Variants in SPATA6L observed in about 807,000 individuals in gnomAD.
SPATA6L encodes the protein spermatogenesis associated 6 like.
SPATA6L carries 68 observed loss-of-function variants against 49.2 expected under a neutral mutation model. The observed-to-expected ratio is 1.38, with a 90% CI of 1.14 to 1.69. The LOEUF (loss-of-function observed/expected upper bound fraction) is 1.69. Ranked by LOEUF, SPATA6L falls within the 40% of genes most tolerant of loss-of-function variation. The pLI, the probability that SPATA6L is intolerant of heterozygous loss-of-function variation, is 0.00. For synonymous variants in SPATA6L, 198 were observed against 165.7 expected (o/e 1.19, Z -1.50); for missense variants, 668 against 464.3 (o/e 1.44, Z -4.03).
intron 6 of SPATA6L, among the ~76,000 whole-genome samples, chr9:4,623,897 T>A (rs1055466989): frequency 1.3e-5 from 2 of 152,224 alleles, no homozygotes; most frequent in African/African-American, 4.8e-5. Flanking sequence ...AAAGATTGGT[T>A]GTTAGATTTT....
intron 3 of SPATA6L, among the ~76,000 whole-genome samples, chr9:4,644,539 C>T (rs923342396): frequency 2.0e-5 from 3 of 151,916 alleles, no homozygotes; most frequent in Admixed American, 6.6e-5. Context: ...CTCAGGATTA[C>T]GTGATGTGGG....
chr9:4,653,705 G>A (rs1456616626), intron 3 of SPATA6L, among the ~76,000 whole-genome samples: 1 of 152,140 alleles, frequency 6.6e-6, no homozygotes, highest in Non-Finnish European at 1.5e-5. Flanking sequence ...CCAGGAGAGA[G>A]GATCACTTAA....
At chr9:4,622,197 C>T (rs1224146579) in intron 7 of SPATA6L, among the ~76,000 whole-genome samples, 1 of 152,222 alleles carries the variant, frequency 6.6e-6, no homozygotes, top group Non-Finnish European at 1.5e-5. Flanking sequence ...GAACGGTCCC[C>T]TTCAACGGCG....
At chr9:4,606,338 G>GT (rs1825021126) in intron 9 of SPATA6L, among the ~76,000 whole-genome samples, 1 of 134,664 alleles carries the variant, frequency 7.4e-6, no homozygotes, top group African/African-American at 3.3e-5. Context: ...CGCCACGTCT[G>GT]GGGGCAGGGC....
chr9:4,607,088 T>C (rs1825444881), intron 9 of SPATA6L, among the ~76,000 whole-genome samples: 1 of 151,386 alleles, frequency 6.6e-6, no homozygotes, highest in South Asian at 2.1e-4. Context: ...AAGGGAAGTT[T>C]AGAGAAAAAA....
chr9:4,617,808 C>G (rs983849167), intron 9 of SPATA6L, 115 bp downstream of exon 9: 1 of 795,402 alleles, frequency 1.3e-6, no homozygotes, highest in African/African-American at 1.7e-5. Flanking sequence ...TTTTTCATAT[C>G]AAGGTGTCAC....
intron 3 of SPATA6L, among the ~76,000 whole-genome samples, chr9:4,641,516 A>T (rs1834028741): frequency 6.6e-6 from 1 of 152,214 alleles, no homozygotes; most frequent in Admixed American, 6.5e-5. Context: ...TGTAAATGTT[A>T]TCTAATAGTT....
rs1296676878 is a variant in SPATA6L, at chr9:4,606,248, G to A, written c.996-808C>T. On this transcript the variant is annotated intron_variant, in intron 9 of 11. Transcript: ENST00000682582. ...GGGGCGCCCGCCATTGCCCAGGCTT[G>A]CTGAGGTAAACAAAGCAGCCGGAAG... Among the ~76,000 whole-genome samples, 7 of 142,492 alleles carry A rather than the reference G, an allele frequency of 4.9e-5. No homozygotes were observed. The East Asian group carries it at 1.1e-3, about 23-fold the overall frequency. 93.5% of individuals were successfully genotyped at this position (142,492 alleles called of 152,430 possible).
intron 5 of SPATA6L, chr9:4,628,176 A>C: frequency 4.9e-6 from 1 of 204,922 alleles, no homozygotes; most frequent in Non-Finnish European, 9.9e-6. Context: ...AATGAATAAG[A>C]TCTAGTATTT....
rs931597183 is a variant in SPATA6L, at chr9:4,662,647, G to A, written c.40-611C>T. The A allele has an allele frequency of 1.3e-5, 21 of 1,599,246 alleles. No homozygotes were observed. The Admixed American group carries it at 2.3e-4, about 18-fold the overall frequency. ...GCGCCTCCGCTGCCCGAGGAGGACCGCATGGACTTGAACCCGTCCTTCCTG... is the reference window on the plus strand; with the variant it reads ...GCGCCTCCGCTGCCCGAGGAGGACCACATGGACTTGAACCCGTCCTTCCTG... On this transcript the variant is annotated intron_variant, in intron 1 of 11. Coordinates refer to ENST00000682582, the MANE Select transcript of SPATA6L (RefSeq NM_001353486.2). The surrounding 1 kb of genome is among the most constrained non-coding windows in gnomAD (Gnocchi z 4.9).
intron 5 of SPATA6L, chr9:4,627,888 G>T (rs985952400): frequency 2.0e-5 from 20 of 1,005,352 alleles, no homozygotes; most frequent in Non-Finnish European, 2.7e-5. Context: ...AATGGATAAA[G>T]AAATTATATT....
At chr9:4,603,139 C>T (rs1403869972) in intron 11 of SPATA6L, among the ~76,000 whole-genome samples, 1 of 152,166 alleles carries the variant, frequency 6.6e-6, no homozygotes, top group Admixed American at 6.5e-5. Context: ...TTTATAAAAA[C>T]TCTTTACTGC....
intron 4 of SPATA6L, among the ~76,000 whole-genome samples, chr9:4,632,343 C>T (rs542191274): frequency 1.3e-5 from 2 of 151,970 alleles, no homozygotes; most frequent in Admixed American, 6.5e-5. Context: ...TGCCTGTAAT[C>T]CCAGCACTTT....
intron 3 of SPATA6L, among the ~76,000 whole-genome samples, chr9:4,647,916 C>A (rs904608772): frequency 2.0e-5 from 3 of 151,502 alleles, no homozygotes; most frequent in Non-Finnish European, 2.9e-5. Flanking sequence ...GTCACTGCAA[C>A]CTCTACCTTG....
chr9:4,661,723 C>G (rs1374103885), intron 2 of SPATA6L, among the ~76,000 whole-genome samples, 176 bp downstream of exon 2: 1 of 98,534 alleles, frequency 1.0e-5, no homozygotes, highest in East Asian at 3.1e-4. Context: ...GAACTTGGCT[C>G]AGACCTGCAT....
chr9:4,632,155 G>A (rs1034291793), intron 4 of SPATA6L, among the ~76,000 whole-genome samples: 9 of 151,082 alleles, frequency 6.0e-5, no homozygotes, highest in Admixed American at 2.6e-4. Context: ...CAGTAGCCGG[G>A]ATTACAGGTG....
chr9:4,644,689 A>T (rs1399801380), intron 3 of SPATA6L, among the ~76,000 whole-genome samples: 3,454 of 94,600 alleles, frequency 0.037, 120 homozygotes, highest in African/African-American at 0.18. Flanking sequence ...TCTCTCTCAC[A>T]CACACACACA....
chr9:4,606,959 G>T (rs1348794096), intron 9 of SPATA6L, among the ~76,000 whole-genome samples: 2 of 146,424 alleles, frequency 1.4e-5, no homozygotes, highest in Non-Finnish European at 3.0e-5. Context: ...AGGAGCTGAT[G>T]GAGCTGAAAA....
chr9:4,636,920 T>C (rs558316416), intron 3 of SPATA6L, among the ~76,000 whole-genome samples: 3 of 152,202 alleles, frequency 2.0e-5, no homozygotes, highest in African/African-American at 4.8e-5. Context: ...CCTGCATTAC[T>C]GCCATGGCTG....
Sources: gnomAD v4.1 joint callset for allele counts (sites outside exome capture counted in the v4.1 genomes callset) on GRCh38, gnomAD v4.1.1 for gene constraint, Gnocchi (gnomAD v3.1) non-coding constraint, MANE v1.5 for transcripts, NCBI Gene and HGNC (gene_info 2026-07-23, HGNC 2026-07-21) for gene names.